The following ANKRD26 variants were observed in gnomAD, a reference collection of about 807,000 sequenced individuals.
ANKRD26 encodes ankyrin repeat domain-containing protein 26.
ANKRD26 carries 141 observed loss-of-function variants against 208.7 expected under a neutral mutation model. That is an observed-to-expected ratio of 0.68 (90% confidence interval 0.59 to 0.78). The LOEUF (loss-of-function observed/expected upper bound fraction) is 0.78, where lower values mean the gene tolerates loss of function less well. Ranked by LOEUF, ANKRD26 falls within the 30% of genes least tolerant of loss-of-function variation. ANKRD26 has a pLI of 0.00. For synonymous variants in ANKRD26, 636 were observed against 660.4 expected (o/e 0.96, Z 0.57); for missense variants, 1,889 against 1,938.7 (o/e 0.97, Z 0.48).
At position 27,100,327 on chromosome 10, in the gene ANKRD26, G is replaced by A; in HGVS notation, c.-1C>T. The A allele has an allele frequency of 6.2e-7, 1 of 1,606,840 alleles. No individual in the cohort carries two copies. Among genetic ancestry groups the A allele is most frequent in the Non-Finnish European group, 8.5e-7 (1 of 1,179,788 alleles). On this transcript the variant is annotated 5_prime_UTR_variant, in exon 1 of 34. Transcript: ENST00000376087. ...CCTTCTTACTAAAAATCTTCTTCAT[G>A]GCCCAGGCGACCGGGCTTCAGAGAC...
At chr10:27,009,828 C>A (rs2053030983) in intron 32 of ANKRD26, among the ~76,000 whole-genome samples, 1 of 152,122 alleles carries the variant, frequency 6.6e-6, no homozygotes, top group African/African-American at 2.4e-5. Flanking sequence ...GTGGCGGAGG[C>A]AGCCTGAGGT....
Position 27,005,648 on chromosome 10 carries a change from A to G in ANKRD26, c.5075T>C (p.Leu1692Pro). The G allele has an allele frequency of 6.2e-7, 1 of 1,613,212 alleles. No individual in the cohort carries two copies. The highest frequency in any genetic ancestry group is 8.5e-7 in the Non-Finnish European group (1 of 1,179,524). The change falls in exon 34 of 34, where the codon CTA becomes CCA. Residue 1692 changes from leucine (L) to proline (P), a missense_variant. Physicochemically the swap from Leu to Pro is moderately conservative, Grantham distance 98 (BLOSUM62 -3). This residue lies in a region of ANKRD26 where 613 missense variants were observed against 648.2 expected (regional missense o/e 0.95). Transcript: ENST00000376087. ...STDESNLNQDLVWKASREYVQ... is the reference protein window; with the variant it reads ...STDESNLNQDPVWKASREYVQ... ...ATATTCTCTTGATGCTTTCCAAACT[A>G]GATCTTGATTTAGATTTGACTCATC...
In ANKRD26 at chr10:27,061,238, C is replaced by G. The variant is rs1444589658; in HGVS notation, c.1368G>C (p.Val456=). 2 of 1,585,938 alleles carry G rather than the reference C, an allele frequency of 1.3e-6. No individual in the cohort carries two copies. Among genetic ancestry groups the G allele is most frequent in the Non-Finnish European group, 1.7e-6 (2 of 1,155,762 alleles). ...CACTCATGCAAGAAGGTATATAAAACACATCTAAGAAATAATACATAATAA... is the reference window on the plus strand; with the variant it reads ...CACTCATGCAAGAAGGTATATAAAAGACATCTAAGAAATAATACATAATAA... The part of the protein sequence containing the change: ...KNIGNEQAED[V]FYIPSCMSGS... Residue 456 remains valine, a synonymous_variant, in exon 13 of 34, where the codon GTG becomes GTC. Transcript: ENST00000376087.
intron 7 of ANKRD26, among the ~76,000 whole-genome samples, chr10:27,078,876 A>G (rs2055797278): frequency 1.3e-5 from 2 of 151,262 alleles, no homozygotes; most frequent in Admixed American, 1.3e-4. Flanking sequence ...CCACTCCCTC[A>G]AAGTACTTAT....
chr10:26,975,466 GTCC>G (rs2052212086), exon 6 of ANKRD26, among the ~76,000 whole-genome samples: 2 of 132,202 alleles, frequency 1.5e-5, no homozygotes, highest in Admixed American at 1.8e-4. Flanking sequence ...GCCTCAAGCA[GTCC>G]TCTCATCTCA....
rs79930348 is a variant in ANKRD26 at position 27,024,862 on chromosome 10, G to T, written c.3973-303C>A. Among the ~76,000 whole-genome samples the T allele has an allele frequency of 6.6e-5, 10 of 152,222 alleles. No homozygotes were observed. In the East Asian group the frequency reaches 1.5e-3, roughly 24 times the overall value. ...TTAGATGTACGTTCTCATTTCTGAAGTTGCTCTAGAAACACTGTCATCAGT... is the reference window on the plus strand; with the variant it reads ...TTAGATGTACGTTCTCATTTCTGAATTTGCTCTAGAAACACTGTCATCAGT... On this transcript the variant is annotated intron_variant, in intron 27 of 33. Coordinates refer to ENST00000376087, the MANE Select transcript of ANKRD26 (RefSeq NM_014915.3).
At chr10:27,049,253 T>C (rs779486412) in intron 16 of ANKRD26, among the ~76,000 whole-genome samples, 15 of 152,146 alleles carry the variant, frequency 9.9e-5, no homozygotes, top group Non-Finnish European at 1.9e-4. Context: ...TCTTCTTAAT[T>C]TTGTGCTTTT....
rs1461536642 is a variant in ANKRD26, at chr10:27,005,366, T to A, written c.*224A>T. The A allele has an allele frequency of 4.0e-6, 5 of 1,255,562 alleles. No homozygotes were observed. The African/African-American group carries it at 7.7e-5, about 19-fold the overall frequency. 77.8% of individuals were successfully genotyped at this position (1,255,562 alleles called of 1,614,324 possible). A position where few individuals can be genotyped will look rare whatever the true frequency, so the allele number is the denominator to read the frequency against. On this transcript the variant is annotated 3_prime_UTR_variant, in exon 34 of 34. Transcript: ENST00000376087. ...GGTTTGGCTGTTTAAACAGCTCACA[T>A]TTGGGCAGTTTGAGTATGTAAAACT...
chr10:27,026,805 GT>G (rs1251297382), intron 27 of ANKRD26, among the ~76,000 whole-genome samples: 17 of 146,360 alleles, frequency 1.2e-4, no homozygotes, highest in Admixed American at 6.1e-4. Context: ...GTTTTTTTTA[GT>G]TTTTTTTTTT....
chr10:27,039,230 G>A (rs916612464), intron 21 of ANKRD26, among the ~76,000 whole-genome samples: 30 of 152,030 alleles, frequency 2.0e-4, no homozygotes, highest in African/African-American at 7.2e-4. Flanking sequence ...AAGGCGGGAG[G>A]ATCACAAGGT....
intron 5 of ANKRD26, among the ~76,000 whole-genome samples, chr10:27,084,052 A>G (rs1220928321): frequency 6.6e-6 from 1 of 152,000 alleles, no homozygotes; most frequent in African/African-American, 2.4e-5. Context: ...GTCTCTACTA[A>G]AAGTACAAAA....
At chr10:26,980,448 T>C (rs902883262) in intron 5 of ANKRD26, among the ~76,000 whole-genome samples, 1 of 152,228 alleles carries the variant, frequency 6.6e-6, no homozygotes, top group African/African-American at 2.4e-5. Context: ...ACGGGCCATA[T>C]GACGAGTGAC....
intron 15 of ANKRD26, among the ~76,000 whole-genome samples, chr10:27,058,095 T>C (rs186349804): frequency 1.9e-3 from 283 of 152,288 alleles, no homozygotes; most frequent in Middle Eastern, 6.8e-3. Flanking sequence ...CTTTTTTCTT[T>C]ATAAACAAAA....
chr10:27,016,400 G>A (rs1177436050), intron 30 of ANKRD26, among the ~76,000 whole-genome samples: 2 of 152,116 alleles, frequency 1.3e-5, no homozygotes, highest in Non-Finnish European at 2.9e-5. Flanking sequence ...AGTCTCCCGA[G>A]TAACTGGGAC....
chr10:27,076,221 T>C (rs1184394872), intron 9 of ANKRD26, among the ~76,000 whole-genome samples: 2 of 149,650 alleles, frequency 1.3e-5, no homozygotes, highest in African/African-American at 4.9e-5. Context: ...AAAAACACAA[T>C]ATAAAAGATC....
rs752308501 is a variant in ANKRD26, at chr10:27,024,436, T to C, written c.4085+11A>G. The C allele has an allele frequency of 7.3e-7, 1 of 1,373,996 alleles. No individual in the cohort carries two copies. Among genetic ancestry groups the C allele is most frequent in the Non-Finnish European group, 1.0e-6 (1 of 969,776 alleles). 85.1% of individuals were successfully genotyped at this position (1,373,996 alleles called of 1,614,324 possible). ...GAATGGTTAAAATGATCTGAAATAT[T>C]AAAATCTTACCCAGTTATCTCTCTT... is the stretch of plus-strand genomic sequence containing the variant. On this transcript the variant is annotated intron_variant, in intron 28 of 33. Coordinates refer to ENST00000376087, the MANE Select transcript of ANKRD26 (RefSeq NM_014915.3).
At chr10:26,970,570 C>A (rs1253210243), downstream of ANKRD26, among the ~76,000 whole-genome samples, 1 of 152,214 alleles carries the variant, frequency 6.6e-6, no homozygotes, top group African/African-American at 2.4e-5. Context: ...TACTATACTT[C>A]CCATACAGCC....
intron 5 of ANKRD26, among the ~76,000 whole-genome samples, chr10:26,978,594 A>G (rs1291778119): frequency 6.6e-6 from 1 of 152,202 alleles, no homozygotes; most frequent in Non-Finnish European, 1.5e-5. Flanking sequence ...CAAGAGGTGC[A>G]TCCTCCCTCC....
intron 15 of ANKRD26, among the ~76,000 whole-genome samples, chr10:27,057,099 G>C (rs1244952125): frequency 2.0e-5 from 3 of 152,164 alleles, no homozygotes; most frequent in Admixed American, 6.5e-5. Flanking sequence ...CAAACTAGTA[G>C]AGTCCCAATC....
Sources: gnomAD v4.1 joint callset for allele counts (sites outside exome capture counted in the v4.1 genomes callset) on GRCh38, gnomAD v4.1.1 for gene constraint, gnomAD v4.1.1 regional missense constraint, MANE v1.5 for transcripts, NCBI Gene and HGNC (gene_info 2026-07-23, HGNC 2026-07-21) for gene names.